CERKL: variants seen among roughly 807,000 people sequenced by gnomAD.
CERKL encodes ceramide kinase-like protein.
A neutral mutation model predicts 63.4 loss-of-function variants in CERKL; 61 were observed. That is an observed-to-expected ratio of 0.96 (90% CI 0.78 to 1.19). The LOEUF (loss-of-function observed/expected upper bound fraction) is 1.19. CERKL is among the 50% of genes most tolerant of loss of function. The pLI, the probability that CERKL is intolerant of heterozygous loss-of-function variation, is 0.00. For missense variants in CERKL, 675 were observed against 655.5 expected, an observed-to-expected ratio of 1.03 and a Z score of -0.33; for synonymous variants, 250 against 230.5, an observed-to-expected ratio of 1.08 and a Z score of -0.77.
chr2:181,647,591 C>T (rs985840996), intron 1 of CERKL, among the ~76,000 whole-genome samples: 1 of 152,100 alleles, frequency 6.6e-6, no homozygotes. Context: ...CCATACCCAA[C>T]CAACACTCTA....
chr2:181,636,478 A>C (rs78510081), intron 1 of CERKL, among the ~76,000 whole-genome samples: 44 of 151,738 alleles, frequency 2.9e-4, no homozygotes, highest in African/African-American at 8.3e-4. Context: ...AAAAAAAAAA[A>C]CAGAAATACT....
intron 2 of CERKL, among the ~76,000 whole-genome samples, chr2:181,586,273 T>C (rs1684760478): frequency 6.6e-6 from 1 of 152,182 alleles, no homozygotes; most frequent in African/African-American, 2.4e-5. Flanking sequence ...TAAAGTATAA[T>C]GTAAGGACTT....
At chr2:181,579,303 G>A (rs1172968246) in intron 2 of CERKL, among the ~76,000 whole-genome samples, 2 of 151,882 alleles carry the variant, frequency 1.3e-5, no homozygotes, top group African/African-American at 4.9e-5. Context: ...TAAACCCACA[G>A]TATGTTCAAA....
At chr2:181,643,322 G>C (rs143569974) in intron 1 of CERKL, among the ~76,000 whole-genome samples, 151 of 152,312 alleles carry the variant, frequency 9.9e-4, no homozygotes, top group African/African-American at 3.5e-3. Context: ...TCCAAAGTCT[G>C]TTATGCACCT....
At chr2:181,569,895 G>A (rs1385187737) in intron 3 of CERKL, among the ~76,000 whole-genome samples, 2 of 152,130 alleles carry the variant, frequency 1.3e-5, no homozygotes, top group African/African-American at 2.4e-5. Context: ...CAGCTGACAA[G>A]TTCTCATTTT....
chr2:181,564,820 G>T (rs1688593463), intron 4 of CERKL, among the ~76,000 whole-genome samples: 1 of 152,152 alleles, frequency 6.6e-6, no homozygotes, highest in South Asian at 2.1e-4. Flanking sequence ...TAGTTGGTAT[G>T]CATGATTCCC....
intron 1 of CERKL, among the ~76,000 whole-genome samples, chr2:181,608,325 A>G (rs1454354614): frequency 6.6e-6 from 1 of 151,542 alleles, no homozygotes; most frequent in Non-Finnish European, 1.5e-5. Flanking sequence ...GACTAATTTT[A>G]TAATATTAGT....
intron 10 of CERKL, among the ~76,000 whole-genome samples, chr2:181,545,727 T>G (rs944535848): frequency 3.9e-5 from 6 of 152,134 alleles, no homozygotes; most frequent in Non-Finnish European, 5.9e-5. Context: ...CCATCATGCT[T>G]CTTCTTCCCA....
chr2:181,538,178 T>G lies in CERKL; in HGVS notation c.*6A>C. 6.5e-7 allele frequency: 1 copy of G among 1,544,178 alleles called. No homozygotes were observed. The highest frequency in any genetic ancestry group is 8.9e-7 in the Non-Finnish European group (1 of 1,118,020). On this transcript the variant is annotated 3_prime_UTR_variant, in exon 13 of 13. Transcript: ENST00000410087. ...TTTGTACATTTCTTTTAGAAACAAT[T>G]ACATGTTACTTTGGAATCATTTCTT...
intron 1 of CERKL, among the ~76,000 whole-genome samples, chr2:181,606,023 A>G (rs1685661760): frequency 6.6e-6 from 1 of 151,718 alleles, no homozygotes; most frequent in African/African-American, 2.4e-5. Flanking sequence ...AAAGCATGGA[A>G]GGAATGAAAG....
chr2:181,622,134 T>C (rs1367591535), intron 1 of CERKL, among the ~76,000 whole-genome samples: 3 of 152,194 alleles, frequency 2.0e-5, no homozygotes, highest in Non-Finnish European at 2.9e-5. Flanking sequence ...TTTTAAGAAA[T>C]CACAATCAGC....
chr2:181,571,573 A>AC (rs1688904173), intron 3 of CERKL, among the ~76,000 whole-genome samples: 2 of 152,106 alleles, frequency 1.3e-5, no homozygotes, highest in Non-Finnish European at 2.9e-5. Context: ...CAACAGTATG[A>AC]TAAAAAAAAA....
intron 2 of CERKL, among the ~76,000 whole-genome samples, chr2:181,580,146 T>C (rs1684437449): frequency 1.3e-5 from 2 of 151,940 alleles, no homozygotes; most frequent in Admixed American, 6.6e-5. Flanking sequence ...TATCTTAAGA[T>C]CAAATAATAC....
chr2:181,543,841 G>T (rs142260565), intron 11 of CERKL, among the ~76,000 whole-genome samples: 1 of 152,084 alleles, frequency 6.6e-6, no homozygotes, highest in Non-Finnish European at 1.5e-5. Context: ...AAAATTAGCT[G>T]GGCATGGAGG....
chr2:181,539,807 G>C (rs981388292), intron 11 of CERKL, among the ~76,000 whole-genome samples: 1 of 152,188 alleles, frequency 6.6e-6, no homozygotes, highest in African/African-American at 2.4e-5. Flanking sequence ...CAAGCTGCAA[G>C]ATCACTGTTT....
chr2:181,563,384 A>G (rs1688526754), intron 4 of CERKL, among the ~76,000 whole-genome samples: 1 of 152,168 alleles, frequency 6.6e-6, no homozygotes, highest in South Asian at 2.1e-4. Flanking sequence ...TTTCTTAAAC[A>G]TTACTTACCA....
chr2:181,593,637 C>A (rs1022145354), intron 2 of CERKL, among the ~76,000 whole-genome samples: 1 of 151,800 alleles, frequency 6.6e-6, no homozygotes, highest in Admixed American at 6.6e-5. Flanking sequence ...GTTCTGTTCC[C>A]TTAGATTTCA....
intron 8 of CERKL, chr2:181,548,295 A>AG (rs1389603280): frequency 9.2e-6 from 5 of 540,714 alleles, no homozygotes; most frequent in Middle Eastern, 9.3e-4. Flanking sequence ...GGGGAAGGGA[A>AG]GGGAAAAAGA....
chr2:181,538,290 C>G, intron 12 of CERKL, 46 bp from the exon 13 acceptor site: 2 of 1,111,480 alleles, frequency 1.8e-6, no homozygotes, highest in South Asian at 2.5e-5. Context: ...TGTTGTTTTT[C>G]ACATACACCT....
Sources: allele counts gnomAD v4.1 joint callset (sites outside exome capture counted in the v4.1 genomes callset), GRCh38; gene constraint gnomAD v4.1.1; transcripts MANE v1.5; gene names NCBI Gene and HGNC (gene_info 2026-07-23, HGNC 2026-07-21).